Variants in CKAP5 observed in about 807,000 individuals in gnomAD.
CKAP5 encodes the protein cytoskeleton associated protein 5.
CKAP5 carries 27 observed loss-of-function variants against 232.8 expected under a neutral mutation model. The ratio of observed to expected loss-of-function variants is 0.12; its 90% CI spans 0.09 to 0.16. The LOEUF (loss-of-function observed/expected upper bound fraction) is 0.16. CKAP5 is among the 10% of genes least tolerant of loss of function. The pLI is 1.00. For synonymous variants in CKAP5, 785 were observed against 841.1 expected (o/e 0.93, Z 1.16); for missense variants, 1,838 against 2,424.7 (o/e 0.76, Z 5.08).
rs766678557 is a variant in CKAP5 at position 46,751,329 on chromosome 11, T to G, written c.5322+17A>C. 6.2e-7 allele frequency: 1 copy of G among 1,613,952 alleles called. No homozygotes were observed. The highest frequency in any genetic ancestry group is 1.1e-5 in the South Asian group (1 of 91,064). On this transcript the variant is annotated intron_variant, in intron 39 of 43. Coordinates refer to ENST00000529230, the MANE Select transcript of CKAP5 (RefSeq NM_001008938.4). The stretch of plus-strand genomic sequence containing the variant: ...TCTCTCAAGCTCCCTCAGAGACCAG[T>G]TGCGATTCTTACTCACCTTGGGCCC...
intron 35 of CKAP5, among the ~76,000 whole-genome samples, chr11:46,757,887 ATT>A (rs947880979): frequency 1.5e-4 from 16 of 108,108 alleles, no homozygotes; most frequent in Admixed American, 1.8e-4. Context: ...CACCTGGCCT[ATT>A]TTTTTTTTTT....
At chr11:46,804,709 GA>G (rs887417243) in intron 8 of CKAP5, among the ~76,000 whole-genome samples, 3 of 151,820 alleles carry the variant, frequency 2.0e-5, no homozygotes, top group Non-Finnish European at 4.4e-5. Context: ...ACTGTGTTTA[GA>G]AAACTATGAT....
rs550843243 is a variant in CKAP5 at position 46,751,085 on chromosome 11, A to T, written c.5460+33T>A. The T allele has an allele frequency of 7.7e-5, 125 of 1,613,166 alleles. 1 individual carries two copies. The South Asian group carries it at 1.0e-3, about 13-fold the overall frequency. ...ATAAGATCACTTCCGGTGTAGCCTC[A>T]TGTCCCTCAATCTTTCAAGTCAGGC... On this transcript the variant is annotated intron_variant, in intron 40 of 43. Transcript: ENST00000529230.
chr11:46,763,762 G>T, intron 28 of CKAP5, 132 bp from the exon 29 acceptor site: 2 of 544,480 alleles, frequency 3.7e-6, no homozygotes, highest in Non-Finnish European at 5.8e-6. Context: ...AATTAAATAT[G>T]AATGCAAATT....
chr11:46,773,066 T>C (rs2065261410), intron 24 of CKAP5, among the ~76,000 whole-genome samples: 1 of 152,042 alleles, frequency 6.6e-6, no homozygotes, highest in Non-Finnish European at 1.5e-5. Context: ...TCATGTTATC[T>C]GTAGAGGTTG....
chr11:46,753,129 G>T, intron 37 of CKAP5, 181 bp downstream of exon 37: 1 of 497,062 alleles, frequency 2.0e-6, no homozygotes. Flanking sequence ...CAACTTCCTA[G>T]GCACACTTAA....
rs773159569 is a variant in CKAP5 at position 46,798,183 on chromosome 11, G to A, written c.1084-11C>T. ...GATGGTTGGCACAACCTGTAAAAGT[G>A]AATGGCTAGCACATTATTCAGCAAC... On this transcript the variant is annotated splice_polypyrimidine_tract_variant and intron_variant, in intron 9 of 43. Coordinates refer to ENST00000529230, the MANE Select transcript of CKAP5 (RefSeq NM_001008938.4). The A allele has an allele frequency of 6.4e-6, 10 of 1,571,108 alleles. No individual in the cohort carries two copies. Among genetic ancestry groups the A allele is most frequent in the Non-Finnish European group, 8.8e-6 (10 of 1,141,282 alleles).
intron 40 of CKAP5, 85 bp downstream of exon 40, chr11:46,751,033 A>G: frequency 6.5e-7 from 1 of 1,526,970 alleles, no homozygotes. Context: ...ACCTTCGGAA[A>G]GCATATCCTG....
intron 23 of CKAP5, among the ~76,000 whole-genome samples, chr11:46,777,160 A>G (rs2065298740): frequency 6.6e-6 from 1 of 152,236 alleles, no homozygotes; most frequent in Non-Finnish European, 1.5e-5. Flanking sequence ...TGTACCTTAC[A>G]TACAGACTCA....
intron 17 of CKAP5, among the ~76,000 whole-genome samples, chr11:46,783,680 G>A (rs1421919775): frequency 1.3e-5 from 2 of 151,132 alleles, no homozygotes; most frequent in African/African-American, 4.9e-5. Flanking sequence ...GCAGCCTCAA[G>A]CTCGTGGGCT....
chr11:46,749,349 A>G (rs1003750481), intron 42 of CKAP5, among the ~76,000 whole-genome samples: 4 of 150,864 alleles, frequency 2.7e-5, no homozygotes, highest in African/African-American at 4.9e-5. Flanking sequence ...CAGCTACTCA[A>G]GAGGCTGAGG....
Position 46,802,166 on chromosome 11 carries a change from G to A in CKAP5, c.979-862C>T, listed in dbSNP as rs78406812. 1,027 of 152,232 alleles carry A rather than the reference G, an allele frequency of 6.7e-3. 6 individuals are homozygous for A. The highest frequency in any genetic ancestry group is 0.011 in the Non-Finnish European group (724 of 68,048). The allele number at this position is 152,232 out of a possible 1,614,324, so 9.4% of individuals were successfully genotyped here. On this transcript the variant is annotated intron_variant, in intron 8 of 43. Coordinates refer to ENST00000529230, the MANE Select transcript of CKAP5 (RefSeq NM_001008938.4). Reference sequence around the variant, plus strand: ...GCTGCCACTTCAGTCATCTAATAATGGTTAAGCTTCAATTCAGAGTCTCAG... The same window carrying A: ...GCTGCCACTTCAGTCATCTAATAATAGTTAAGCTTCAATTCAGAGTCTCAG...
chr11:46,816,980 C>T (rs1199018357), intron 3 of CKAP5, among the ~76,000 whole-genome samples: 1 of 151,894 alleles, frequency 6.6e-6, no homozygotes, highest in African/African-American at 2.4e-5. Context: ...GTGGCGCATG[C>T]CTGTAATTCC....
intron 42 of CKAP5, among the ~76,000 whole-genome samples, chr11:46,747,533 C>T (rs186816738): frequency 6.6e-4 from 95 of 144,166 alleles, no homozygotes; most frequent in Admixed American, 1.2e-3. Context: ...GCCTGGGAGG[C>T]GGAGGGTGCA....
intron 5 of CKAP5, 25 bp from the exon 6 acceptor site, chr11:46,809,899 A>G: frequency 6.3e-7 from 1 of 1,588,372 alleles, no homozygotes; most frequent in South Asian, 1.2e-5. Flanking sequence ...TAATATTTAA[A>G]TAATATCTGC....
intron 8 of CKAP5, among the ~76,000 whole-genome samples, chr11:46,805,009 G>A (rs1185507807): frequency 6.6e-6 from 1 of 151,770 alleles, no homozygotes; most frequent in African/African-American, 2.4e-5. Flanking sequence ...GCTGAGGCAG[G>A]CAAATCACTT....
At chr11:46,751,049 C>G (rs564901000) in intron 40 of CKAP5, 69 bp downstream of exon 40, 2 of 1,587,842 alleles carry the variant, frequency 1.3e-6, no homozygotes, top group East Asian at 4.5e-5. Context: ...TCCTGGTGAC[C>G]TACACCTTAG....
chr11:46,773,445 C>T (rs1373733575), intron 24 of CKAP5, among the ~76,000 whole-genome samples: 2 of 151,880 alleles, frequency 1.3e-5, no homozygotes, highest in East Asian at 3.9e-4. Context: ...GATGGGGTTT[C>T]ACCATGTTGG....
intron 42 of CKAP5, among the ~76,000 whole-genome samples, chr11:46,746,636 T>A (rs966046694): frequency 7.2e-5 from 11 of 152,182 alleles, no homozygotes; most frequent in African/African-American, 2.7e-4. Context: ...AGATAAATGG[T>A]ACACCTGTAT....
Sources: allele counts gnomAD v4.1 joint callset (sites outside exome capture counted in the v4.1 genomes callset), GRCh38; gene constraint gnomAD v4.1.1; transcripts MANE v1.5; gene names NCBI Gene and HGNC (gene_info 2026-07-23, HGNC 2026-07-21).